Variants in GPHN observed in about 807,000 individuals in gnomAD.
GPHN encodes the protein gephyrin.
A neutral mutation model predicts 95.5 loss-of-function variants in GPHN; 17 were observed. The ratio of observed to expected loss-of-function variants is 0.18; its 90% CI spans 0.12 to 0.27. GPHN has a LOEUF of 0.27. GPHN is among the 10% of genes least tolerant of loss of function. The probability of loss-of-function intolerance (pLI) is 1.00; values close to 1 mark genes in which losing one functional copy is unlikely to be tolerated. For synonymous variants in GPHN, 320 were observed against 322.5 expected, an observed-to-expected ratio of 0.99 and a Z score of 0.08; for missense variants, 660 against 978.1, an observed-to-expected ratio of 0.67 and a Z score of 4.34.
chr14:66,824,556 T>A lies in GPHN; in HGVS notation c.284T>A (p.Val95Asp). The A allele has an allele frequency of 6.6e-7, 1 of 1,521,834 alleles. No homozygotes were observed. Among genetic ancestry groups the A allele is most frequent in the Non-Finnish European group, 9.1e-7 (1 of 1,095,712 alleles). The allele number at this position is 1,521,834 out of a possible 1,614,324, so 94.3% of individuals were successfully genotyped here. Residue 95 changes from valine to aspartate, a missense_variant, in exon 4 of 23, where the codon GTC becomes GAC. Transcript: ENST00000478722. The stretch of plus-strand genomic sequence containing the variant: ...GGAACAGGATTTGCACCACGAGATG[T>A]CACTCCAGAGGTGAGATAGTACATG... ...TGGTGFAPRD[V>D]TPEATKEVIE... is the part of the protein sequence containing the mutation.
chr14:67,586,343 A>G, the GPHN span: 2 of 1,434,938 alleles, frequency 1.4e-6, no homozygotes, highest in East Asian at 2.8e-5. Context: ...TATGCTCTTC[A>G]CTTTTTCTTT....
At chr14:67,473,361 T>C in the GPHN span, 7 of 1,581,724 alleles carry the variant, frequency 4.4e-6, no homozygotes, top group Non-Finnish European at 5.2e-6. The surrounding 1 kb of genome is among the most constrained non-coding windows in gnomAD (Gnocchi z 6.5). Flanking sequence ...CCTCACCAGC[T>C]TGGTCTCTTT....
chr14:66,770,267 A>G (rs2059117889), intron 2 of GPHN, among the ~76,000 whole-genome samples: 1 of 152,104 alleles, frequency 6.6e-6, no homozygotes, highest in Non-Finnish European at 1.5e-5. Flanking sequence ...ATTTTCTCCT[A>G]TTCTGTAGGT....
chr14:67,003,793 T>C (rs2072409643), intron 9 of GPHN, among the ~76,000 whole-genome samples: 1 of 151,772 alleles, frequency 6.6e-6, no homozygotes, highest in Admixed American at 6.6e-5. Context: ...AATGATTCTT[T>C]ATTCATTTGT....
At chr14:67,282,793 G>A in the GPHN span, among the ~76,000 whole-genome samples, 1 of 152,044 alleles carries the variant, frequency 6.6e-6, no homozygotes, top group African/African-American at 2.4e-5. Flanking sequence ...CATAATCAGA[G>A]CAAACTACCT....
intron 2 of GPHN, among the ~76,000 whole-genome samples, chr14:66,761,575 T>A (rs1211768555): frequency 1.3e-5 from 2 of 152,080 alleles, no homozygotes; most frequent in East Asian, 3.8e-4. Context: ...TAGGTAGTTG[T>A]GGATGTTGGG....
At chr14:67,041,965 C>A (rs191770812) in intron 10 of GPHN, among the ~76,000 whole-genome samples, 24 of 152,130 alleles carry the variant, frequency 1.6e-4, no homozygotes, top group Admixed American at 1.4e-3. Flanking sequence ...TCTCTAATGA[C>A]CAGTGGTGAT....
At chr14:66,692,277 A>T (rs6573707) in intron 2 of GPHN, among the ~76,000 whole-genome samples, 1 of 152,032 alleles carries the variant, frequency 6.6e-6, no homozygotes, top group African/African-American at 2.4e-5. Context: ...CTTCATTGTC[A>T]TATGCTCTGG....
chr14:66,663,853 T>C (rs1463354646), intron 1 of GPHN, among the ~76,000 whole-genome samples: 1 of 152,124 alleles, frequency 6.6e-6, no homozygotes, highest in Non-Finnish European at 1.5e-5. Flanking sequence ...AAACAGACTT[T>C]AACCAACAAA....
At chr14:66,702,928 A>G (rs1481311297) in intron 2 of GPHN, among the ~76,000 whole-genome samples, 1 of 152,148 alleles carries the variant, frequency 6.6e-6, no homozygotes, top group Non-Finnish European at 1.5e-5. Context: ...AACTAGAATA[A>G]CCAATTTAGA....
chr14:67,096,672 G>A lies in GPHN; in HGVS notation c.1238-4184G>A, dbSNP rs113656987. On this transcript the variant is annotated intron_variant, in intron 12 of 22. Transcript: ENST00000478722. The stretch of plus-strand genomic sequence containing the variant: ...GCTATGTTGCTCTGGCTGGAGTGTA[G>A]TGGTACAATCCCAGCTCACTAAAAC... Among the ~76,000 whole-genome samples the A allele has an allele frequency of 9.4e-3, 1,356 of 144,552 alleles. 17 individuals are homozygous for A. Among genetic ancestry groups the A allele is most frequent in the African/African-American group, 0.032 (1,256 of 38,854 alleles). 94.8% of individuals were successfully genotyped at this position (144,552 alleles called of 152,430 possible).
chr14:66,994,631 C>A (rs7152001), intron 9 of GPHN, among the ~76,000 whole-genome samples: 1 of 152,122 alleles, frequency 6.6e-6, no homozygotes, highest in African/African-American at 2.4e-5. Flanking sequence ...ACAATGACAA[C>A]ACTCTCAAAC....
In GPHN at chr14:66,527,661, G is replaced by A. The variant is rs977963438; in HGVS notation, c.64+19070G>A. On this transcript the variant is annotated intron_variant, in intron 1 of 22. Transcript: ENST00000478722. ...AGCTGTGTCCCAGAGATTCTGGTACGTTGTGTCTTTGTTCTCATTGGTTTC... is the reference window on the plus strand; with the variant it reads ...AGCTGTGTCCCAGAGATTCTGGTACATTGTGTCTTTGTTCTCATTGGTTTC... Among the ~76,000 whole-genome samples the A allele has an allele frequency of 3.9e-5, 6 of 152,032 alleles. No homozygotes were observed. The East Asian group carries it at 5.8e-4, about 15-fold the overall frequency.
chr14:67,054,253 C>T (rs774783054), intron 10 of GPHN, among the ~76,000 whole-genome samples: 7 of 151,898 alleles, frequency 4.6e-5, no homozygotes, highest in Non-Finnish European at 8.8e-5. Context: ...TAAGCACCTT[C>T]AGCAAAGTAC....
chr14:67,689,326 A>G, the GPHN span, among the ~76,000 whole-genome samples: 4 of 152,206 alleles, frequency 2.6e-5, no homozygotes, highest in African/African-American at 9.7e-5. Flanking sequence ...CTCAATTCCT[A>G]GCACAGTTCA....
At position 66,663,313 on chromosome 14, in the gene GPHN, G is replaced by A. The variant is rs532651306; in HGVS notation, c.65-17794G>A. ...CCCTACATGTCAGAAGAGATTGGAG[G>A]CCAATATTCAACATGCTGAAAAAAG... On this transcript the variant is annotated intron_variant, in intron 1 of 22. Transcript: ENST00000478722. Among the ~76,000 whole-genome samples the A allele has an allele frequency of 2.0e-5, 3 of 152,230 alleles. 1 individual carries two copies. The South Asian group carries it at 6.2e-4, about 32-fold the overall frequency.
the GPHN span, chr14:67,364,212 T>G: frequency 6.6e-6 from 1 of 152,206 alleles, no homozygotes. Flanking sequence ...ATTTTGTGAT[T>G]AAAATTTTTT....
intron 8 of GPHN, among the ~76,000 whole-genome samples, chr14:66,949,166 C>A (rs1417149839): frequency 2.6e-5 from 4 of 152,172 alleles, no homozygotes; most frequent in African/African-American, 4.8e-5. Flanking sequence ...CCTCACGCAA[C>A]TTTCACCTCC....
chr14:66,665,091 CCAA>C (rs1309774808), intron 1 of GPHN, among the ~76,000 whole-genome samples: 1 of 151,600 alleles, frequency 6.6e-6, no homozygotes, highest in African/African-American at 2.4e-5. Context: ...TGAAACTATT[CCAA>C]CAAATTGAAG....
Sources: gnomAD v4.1 joint callset for allele counts (sites outside exome capture counted in the v4.1 genomes callset) on GRCh38, gnomAD v4.1.1 for gene constraint, Gnocchi (gnomAD v3.1) non-coding constraint, MANE v1.5 for transcripts, NCBI Gene and HGNC (gene_info 2026-07-23, HGNC 2026-07-21) for gene names.